The following SEC22C variants were observed in gnomAD, a reference collection of about 807,000 sequenced individuals.
SEC22C encodes SEC22 homolog C, vesicle trafficking protein, also known as vesicle-trafficking protein SEC22c.
A neutral mutation model predicts 34.7 loss-of-function variants in SEC22C; 29 were observed. The observed-to-expected ratio is 0.84, with a 90% confidence interval of 0.62 to 1.14. The LOEUF is 1.14. Among genes scored for constraint, SEC22C ranks in the 50% most tolerant of loss-of-function variants. The pLI is 0.00. For synonymous variants in SEC22C, 117 were observed against 132.8 expected (o/e 0.88, Z 0.82); for missense variants, 337 against 369.0 (o/e 0.91, Z 0.71).
chr3:42,599,670 C>A (rs985830756), intron 1 of SEC22C, among the ~76,000 whole-genome samples: 2 of 148,640 alleles, frequency 1.3e-5, no homozygotes, highest in African/African-American at 5.0e-5. Flanking sequence ...CCAGCCTGGG[C>A]GACAGAGCGA....
rs1239438766 is a variant in SEC22C at position 42,561,293 on chromosome 3, C to T, written c.350G>A (p.Ser117Asn). Residue 117 changes from serine (S) to asparagine (N), a missense_variant, in exon 4 of 7, where the codon AGC (serine) becomes AAC (asparagine). By Grantham distance (46) the Ser-to-Asn change is conservative. Transcript: ENST00000264454. ...ATGCCACTTCACTTTCTGAATGATGCTGTCTGCAAAAAGAGAGCAACACAA... is the reference window on the plus strand; with the variant it reads ...ATGCCACTTCACTTTCTGAATGATGTTGTCTGCAAAAAGAGAGCAACACAA... ...SRPYAFLEFD[S>N]IIQKVKWHFN... The T allele has an allele frequency of 1.9e-6, 3 of 1,613,940 alleles. No individual in the cohort carries two copies. The highest frequency in any genetic ancestry group is 1.7e-6 in the Non-Finnish European group (2 of 1,179,858).
intron 1 of SEC22C, among the ~76,000 whole-genome samples, chr3:42,599,677 G>A (rs1265803987): frequency 6.6e-6 from 1 of 150,718 alleles, no homozygotes; most frequent in Non-Finnish European, 1.5e-5. Flanking sequence ...GGGCGACAGA[G>A]CGAGACTCCG....
At chr3:42,598,937 CTAGATATCTGTAGATCTA>C in intron 1 of SEC22C, among the ~76,000 whole-genome samples, 1 of 145,802 alleles carries the variant, frequency 6.9e-6, no homozygotes, top group South Asian at 2.1e-4. Context: ...CTATAGATAT[CTAGATATCTGTAGATCTA>C]TAGATCTATA....
intron 1 of SEC22C, chr3:42,591,620 G>T (rs377123772): frequency 1.3e-6 from 2 of 1,584,022 alleles, no homozygotes; most frequent in African/African-American, 1.3e-5. Flanking sequence ...CCCCACCCCC[G>T]CGCCCCTGAC....
intron 5 of SEC22C, among the ~76,000 whole-genome samples, chr3:42,556,577 A>C (rs543358935): frequency 6.6e-6 from 1 of 152,368 alleles, no homozygotes; most frequent in Non-Finnish European, 1.5e-5. Context: ...CAAACAGGTC[A>C]GTCTACATCA....
At chr3:42,578,487 T>C (rs1435018578) in intron 1 of SEC22C, among the ~76,000 whole-genome samples, 1 of 152,068 alleles carries the variant, frequency 6.6e-6, no homozygotes, top group African/African-American at 2.4e-5. Context: ...TAATTCTGTA[T>C]CTTGATTGCG....
chr3:42,569,371 C>T (rs932459970), intron 1 of SEC22C, among the ~76,000 whole-genome samples: 5 of 152,062 alleles, frequency 3.3e-5, no homozygotes, highest in Non-Finnish European at 5.9e-5. Context: ...GAAGAACGGA[C>T]GCAGGACCAG....
chr3:42,598,057 A>G (rs924485351), intron 1 of SEC22C, among the ~76,000 whole-genome samples: 6 of 152,238 alleles, frequency 3.9e-5, no homozygotes, highest in African/African-American at 1.4e-4. Context: ...CTTATGATCC[A>G]GTGATTCCAT....
chr3:42,591,950 C>T (rs7647335), intron 1 of SEC22C, among the ~76,000 whole-genome samples: 3,149 of 152,184 alleles, frequency 0.021, 125 homozygotes, highest in African/African-American at 0.071. Context: ...ATCTTGGATC[C>T]CTGCCTCATC....
rs546143241 is a variant in SEC22C, at chr3:42,565,250, T to C, written c.183-1564A>G. The stretch of plus-strand genomic sequence containing the variant: ...TACACATTTAAAGTAATTGTCGATA[T>C]ATATTTACCCTCATTTCTGGATGTT... On this transcript the variant is annotated intron_variant, in intron 2 of 6. Transcript: ENST00000264454. 3.4e-4 allele frequency among the ~76,000 whole-genome samples: 52 copies of C among 152,342 alleles called. 2 individuals are homozygous for C. In the South Asian group the frequency reaches 0.01, roughly 30 times the overall value.
intron 4 of SEC22C, among the ~76,000 whole-genome samples, chr3:42,558,019 T>C (rs907751225): frequency 3.9e-5 from 6 of 152,208 alleles, no homozygotes; most frequent in African/African-American, 9.6e-5. Flanking sequence ...CCAGTGGATA[T>C]TTGGCCATGT....
At chr3:42,596,654 G>A (rs527755072) in intron 1 of SEC22C, among the ~76,000 whole-genome samples, 12 of 152,162 alleles carry the variant, frequency 7.9e-5, no homozygotes, top group Non-Finnish European at 1.8e-4. Flanking sequence ...AGACCAAATT[G>A]CATACTTTTA....
chr3:42,555,876 G>C (rs201612927), intron 6 of SEC22C, 54 bp downstream of exon 6: 6 of 1,394,134 alleles, frequency 4.3e-6, no homozygotes, highest in Non-Finnish European at 4.1e-6. Context: ...ATGAACAGAA[G>C]AACAAAGTAA....
chr3:42,563,216 C>T (rs1001857336), intron 3 of SEC22C, among the ~76,000 whole-genome samples: 5 of 152,326 alleles, frequency 3.3e-5, no homozygotes, highest in South Asian at 2.1e-4. Flanking sequence ...ATAAAACAGG[C>T]GGCTGGCCTA....
chr3:42,553,044 A>G lies in SEC22C; in HGVS notation c.*204T>C. 9 of 1,413,130 alleles carry G rather than the reference A, an allele frequency of 6.4e-6. No homozygotes were observed. The highest frequency in any genetic ancestry group is 8.3e-6 in the Non-Finnish European group (9 of 1,088,214). The allele number at this position is 1,413,130 out of a possible 1,614,324, so 87.5% of individuals were successfully genotyped here. A position where few individuals can be genotyped will look rare whatever the true frequency, so the allele number is the denominator to read the frequency against. ...GTGCTGAACTGGCTGGAGATCCTGCAGTAATGCTTGGCACAGAACCAAGGC... is the reference window on the plus strand; with the variant it reads ...GTGCTGAACTGGCTGGAGATCCTGCGGTAATGCTTGGCACAGAACCAAGGC... On this transcript the variant is annotated 3_prime_UTR_variant, in exon 7 of 7. Transcript: ENST00000264454.
chr3:42,560,976 G>A, intron 4 of SEC22C, 141 bp downstream of exon 4: 1 of 782,428 alleles, frequency 1.3e-6, no homozygotes, highest in South Asian at 2.0e-5. Context: ...CCAAGAAACA[G>A]GATGGGCCCA....
chr3:42,577,907 T>C (rs1028664392), intron 1 of SEC22C, among the ~76,000 whole-genome samples: 1 of 151,790 alleles, frequency 6.6e-6, no homozygotes, highest in African/African-American at 2.4e-5. Flanking sequence ...GAGGCGGAGG[T>C]TGCAGTGCGC....
chr3:42,550,191 T>G lies in SEC22C; in HGVS notation c.*3057A>C. The G allele has an allele frequency of 2.0e-6, 2 of 985,492 alleles. No individual in the cohort carries two copies. Among genetic ancestry groups the G allele is most frequent in the Non-Finnish European group, 1.2e-6 (1 of 829,956 alleles). 61.0% of individuals were successfully genotyped at this position (985,492 alleles called of 1,614,324 possible). A position where few individuals can be genotyped will look rare whatever the true frequency, so the allele number is the denominator to read the frequency against. ...GATGGGACTTAACACACTCTGATGC[T>G]CAAGGCCTTGCAGCATCTGATACCA... On this transcript the variant is annotated 3_prime_UTR_variant, in exon 7 of 7. Coordinates refer to ENST00000264454, the MANE Select transcript of SEC22C (RefSeq NM_032970.4).
chr3:42,563,885 T>A (rs1332849117), intron 2 of SEC22C, 199 bp from the exon 3 acceptor site: 1 of 1,465,892 alleles, frequency 6.8e-7, no homozygotes, highest in African/African-American at 1.4e-5. Context: ...AAATGTCTAG[T>A]AGTCTTAATC....
Sources: allele counts gnomAD v4.1 joint callset (sites outside exome capture counted in the v4.1 genomes callset), GRCh38; gene constraint gnomAD v4.1.1; transcripts MANE v1.5; gene names NCBI Gene and HGNC (gene_info 2026-07-23, HGNC 2026-07-21).